RASSF6: variants seen among roughly 807,000 people sequenced by gnomAD.
The protein encoded by RASSF6 is ras association domain-containing protein 6.
A neutral mutation model predicts 44.0 loss-of-function variants in RASSF6; 52 were observed. The observed-to-expected ratio is 1.18, with a 90% CI of 0.95 to 1.49. The LOEUF is 1.49. Among genes scored for constraint, RASSF6 ranks in the 40% most tolerant of loss-of-function variants. RASSF6 has a pLI of 0.00. For synonymous variants in RASSF6, 162 were observed against 124.6 expected (o/e 1.30, Z -2.00); for missense variants, 464 against 393.3 (o/e 1.18, Z -1.52).
At chr4:73,610,665 G>T (rs1435287520) in intron 2 of RASSF6, among the ~76,000 whole-genome samples, 1 of 152,136 alleles carries the variant, frequency 6.6e-6, no homozygotes, top group African/African-American at 2.4e-5. Context: ...CTCCCTTTCT[G>T]CAGGCTTTTC....
intron 6 of RASSF6, 49 bp downstream of exon 6, chr4:73,585,131 A>C: frequency 7.4e-7 from 1 of 1,345,584 alleles, no homozygotes; most frequent in Non-Finnish European, 1.0e-6. Flanking sequence ...TGTTAGTGAA[A>C]CAGGGAACCT....
chr4:73,593,536 G>T lies in RASSF6; in HGVS notation c.202C>A (p.Arg68=), dbSNP rs1314093534. 6.2e-7 allele frequency: 1 copy of T among 1,613,502 alleles called. No individual in the cohort carries two copies. The highest frequency in any genetic ancestry group is 8.5e-7 in the Non-Finnish European group (1 of 1,179,688). Residue 68 remains arginine (R), a synonymous_variant, in exon 4 of 11, where the codon CGA becomes AGA. Transcript: ENST00000307439. The part of the protein sequence containing the change: ...GMLDIFWGVK[R]PIQLKIQDEK... ...TCTTGTATTTTTAGCTGTATAGGTC[G>T]TTTTACTCCCCAGAAAATGTCCAGC...
rs80253254 is a variant in RASSF6 at position 73,616,952 on chromosome 4, C to G, written c.-35+3336G>C. Among the ~76,000 whole-genome samples, 451 of 152,234 alleles carry G rather than the reference C, an allele frequency of 3.0e-3. 2 individuals carry two copies. Among genetic ancestry groups the G allele is most frequent in the African/African-American group, 0.011 (441 of 41,540 alleles). ...AAAATGAGACAAAGCATCTATAATTCCATCCAGTATCTAGTTCTCTCAAAA... is the reference window on the plus strand; with the variant it reads ...AAAATGAGACAAAGCATCTATAATTGCATCCAGTATCTAGTTCTCTCAAAA... On this transcript the variant is annotated intron_variant, in intron 1 of 10. Coordinates refer to ENST00000307439, the MANE Select transcript of RASSF6 (RefSeq NM_177532.5).
At chr4:73,578,136 T>A (rs1271005657) in intron 8 of RASSF6, among the ~76,000 whole-genome samples, 2 of 152,246 alleles carry the variant, frequency 1.3e-5, no homozygotes, top group African/African-American at 4.8e-5. Flanking sequence ...CTACATTTTT[T>A]ATAATGAAAA....
chr4:73,619,804 G>C (rs978163289), intron 1 of RASSF6, among the ~76,000 whole-genome samples: 11 of 150,546 alleles, frequency 7.3e-5, no homozygotes, highest in African/African-American at 2.7e-4. Flanking sequence ...TTTTTTTGGT[G>C]GGGGGCATGC....
At chr4:73,582,597 A>G (rs2149367579) in intron 6 of RASSF6, among the ~76,000 whole-genome samples, 1 of 152,254 alleles carries the variant, frequency 6.6e-6, no homozygotes, top group South Asian at 2.1e-4. Flanking sequence ...GAATGTCACC[A>G]GATGCATATT....
intron 6 of RASSF6, among the ~76,000 whole-genome samples, chr4:73,584,807 C>T (rs1723946689): frequency 6.6e-6 from 1 of 151,972 alleles, no homozygotes. Context: ...TAGAGTTCAC[C>T]CATCATGGTG....
At chr4:73,618,596 T>A (rs1252738446) in intron 1 of RASSF6, among the ~76,000 whole-genome samples, 2 of 152,148 alleles carry the variant, frequency 1.3e-5, no homozygotes, top group Non-Finnish European at 2.9e-5. Context: ...CCTTTATAAG[T>A]TTTTAGCTAA....
intron 4 of RASSF6, among the ~76,000 whole-genome samples, chr4:73,588,158 G>A (rs748316263): frequency 6.6e-6 from 1 of 151,844 alleles, no homozygotes; most frequent in Non-Finnish European, 1.5e-5. Flanking sequence ...ATATCTTTTT[G>A]ACGTAATAAT....
At chr4:73,605,303 C>T (rs995540463) in intron 2 of RASSF6, among the ~76,000 whole-genome samples, 4 of 152,066 alleles carry the variant, frequency 2.6e-5, no homozygotes, top group Admixed American at 6.6e-5. Flanking sequence ...AATATGAGGA[C>T]GCAGAAGAGA....
Position 73,608,864 on chromosome 4 carries a change from G to A in RASSF6, c.65+2867C>T, listed in dbSNP as rs545170630. The stretch of plus-strand genomic sequence containing the variant: ...GCAAACATTGCCTTCTGGCTGTACT[G>A]GCCAGGTAGAAGGCAGCCTCTGGAA... On this transcript the variant is annotated intron_variant, in intron 2 of 10. Coordinates refer to ENST00000307439, the MANE Select transcript of RASSF6 (RefSeq NM_177532.5). 1.1e-4 allele frequency among the ~76,000 whole-genome samples: 16 copies of A among 152,294 alleles called. No homozygotes were observed. In the East Asian group the frequency reaches 3.1e-3, roughly 29 times the overall value.
chr4:73,582,274 G>A lies in RASSF6; in HGVS notation c.584C>T (p.Pro195Leu). 1 of 1,580,098 alleles carries A rather than the reference G, an allele frequency of 6.3e-7. No homozygotes were observed. Among genetic ancestry groups the A allele is most frequent in the East Asian group, 2.3e-5 (1 of 44,338 alleles). The change falls in exon 7 of 11, where the codon CCA (proline) becomes CTA (leucine). Residue 195 changes from proline (P) to leucine (L), a missense_variant. Physicochemically the swap from Pro to Leu is moderately conservative, Grantham distance 98 (BLOSUM62 -3). Coordinates refer to ENST00000307439, the MANE Select transcript of RASSF6 (RefSeq NM_177532.5). ...FYNHETSIFI[P>L]AFESETKVRV... ...GACCTTAGTTTCTGATTCAAAGGCT[G>A]GAATGAAAATTGATGTCTAGAAAAA...
At chr4:73,609,066 C>A (rs1362863301) in intron 2 of RASSF6, among the ~76,000 whole-genome samples, 2 of 152,150 alleles carry the variant, frequency 1.3e-5, no homozygotes, top group African/African-American at 4.8e-5. Flanking sequence ...TGTACACGTG[C>A]CTTTTGAGCT....
intron 4 of RASSF6, among the ~76,000 whole-genome samples, chr4:73,593,000 A>G (rs1338016166): frequency 2.0e-5 from 3 of 146,424 alleles, no homozygotes; most frequent in Non-Finnish European, 3.0e-5. Context: ...CTGAACACCA[A>G]CTTCATTGAG....
At chr4:73,585,044 T>C (rs1578026159) in intron 6 of RASSF6, 136 bp downstream of exon 6, 2 of 561,252 alleles carry the variant, frequency 3.6e-6, no homozygotes, top group African/African-American at 3.8e-5. Flanking sequence ...ATCTAGCACA[T>C]AGAGAGTGCC....
intron 1 of RASSF6, among the ~76,000 whole-genome samples, chr4:73,612,836 A>C (rs1292653899): frequency 6.6e-6 from 1 of 152,124 alleles, no homozygotes; most frequent in African/African-American, 2.4e-5. Context: ...AATACAGCCC[A>C]AGTCCCTTAA....
chr4:73,605,813 T>G (rs1305712438), intron 2 of RASSF6, among the ~76,000 whole-genome samples: 1 of 152,204 alleles, frequency 6.6e-6, no homozygotes, highest in African/African-American at 2.4e-5. Flanking sequence ...TAAAAGCCAT[T>G]CTGTCTGGTG....
At chr4:73,587,482 T>C (rs1724185684) in intron 5 of RASSF6, among the ~76,000 whole-genome samples, 1 of 152,076 alleles carries the variant, frequency 6.6e-6, no homozygotes, top group Non-Finnish European at 1.5e-5. Flanking sequence ...GCCTAACATA[T>C]AAAGCTATTG....
chr4:73,593,618 C>T (rs1246846561), intron 3 of RASSF6, 25 bp from the exon 4 acceptor site: 2 of 1,565,006 alleles, frequency 1.3e-6, no homozygotes, highest in African/African-American at 1.4e-5. Context: ...AATAATCCCC[C>T]AATTGTTTTT....
Sources: gnomAD v4.1 joint callset for allele counts (sites outside exome capture counted in the v4.1 genomes callset) on GRCh38, gnomAD v4.1.1 for gene constraint, MANE v1.5 for transcripts, NCBI Gene and HGNC (gene_info 2026-07-23, HGNC 2026-07-21) for gene names.